Variants in SCAPER observed in about 807,000 individuals in gnomAD.
SCAPER encodes S phase cyclin A-associated protein in the endoplasmic reticulum.
SCAPER carries 98 observed loss-of-function variants against 182.2 expected under a neutral mutation model. The observed-to-expected ratio is 0.54, with a 90% CI of 0.46 to 0.64. The LOEUF (loss-of-function observed/expected upper bound fraction) is 0.64. Among genes scored for constraint, SCAPER ranks in the 30% least tolerant of loss-of-function variants. The pLI is 0.00. For synonymous variants in SCAPER, 605 were observed against 564.6 expected (o/e 1.07, Z -1.01); for missense variants, 1,432 against 1,690.0 (o/e 0.85, Z 2.68).
intron 2 of SCAPER, among the ~76,000 whole-genome samples, chr15:76,876,038 G>C (rs1471942181): frequency 6.6e-6 from 1 of 152,202 alleles, no homozygotes; most frequent in Non-Finnish European, 1.5e-5. Context: ...GCACTGCTGG[G>C]GGACCCAGCG....
Position 76,348,069 on chromosome 15 carries a change from G to C in SCAPER, c.*564C>G, listed in dbSNP as rs1036544464. ...AGAGGATTATCTGCTAGGAGAGTTCGGGCAGACCAATGAATACAACGCCCT... is the reference window on the plus strand; with the variant it reads ...AGAGGATTATCTGCTAGGAGAGTTCCGGCAGACCAATGAATACAACGCCCT... On this transcript the variant is annotated 3_prime_UTR_variant, in exon 32 of 32. Coordinates refer to ENST00000563290, the MANE Select transcript of SCAPER (RefSeq NM_020843.4). The C allele has an allele frequency of 2.6e-5, 4 of 152,176 alleles. No individual in the cohort carries two copies. The highest frequency in any genetic ancestry group is 9.7e-5 in the African/African-American group (4 of 41,424). The allele number at this position is 152,176 out of a possible 1,614,324, so 9.4% of individuals were successfully genotyped here.
At chr15:76,756,243 C>CAA (rs34158299) in intron 14 of SCAPER, among the ~76,000 whole-genome samples, 43,037 of 65,616 alleles carry the variant, frequency 0.66, 15,833 homozygotes, top group Middle Eastern at 0.77. Context: ...GACTCCGTCT[C>CAA]AAAAAAAAAA....
At chr15:76,861,239 T>C (rs2071837315) in intron 3 of SCAPER, among the ~76,000 whole-genome samples, 1 of 152,168 alleles carries the variant, frequency 6.6e-6, no homozygotes, top group Admixed American at 6.5e-5. Flanking sequence ...ATTTACATAG[T>C]TTCAAACTAT....
intron 28 of SCAPER, among the ~76,000 whole-genome samples, chr15:76,377,231 C>T (rs1410032435): frequency 6.6e-6 from 1 of 152,170 alleles, no homozygotes; most frequent in Non-Finnish European, 1.5e-5. Flanking sequence ...GAAACAGAGC[C>T]ATTTTAGCGA....
intron 1 of SCAPER, among the ~76,000 whole-genome samples, chr15:76,886,755 T>C (rs2073861488): frequency 6.6e-6 from 1 of 152,198 alleles, no homozygotes; most frequent in Non-Finnish European, 1.5e-5. Context: ...TCAACCTAAA[T>C]GCCCTCAATG....
intron 2 of SCAPER, among the ~76,000 whole-genome samples, chr15:76,873,714 T>G (rs1482624750): frequency 1.3e-5 from 2 of 152,162 alleles, no homozygotes; most frequent in Admixed American, 1.3e-4. Context: ...ATTTGACATA[T>G]TCAGAACCCA....
chr15:76,785,338 A>C (rs746004684), intron 8 of SCAPER, among the ~76,000 whole-genome samples: 10 of 152,350 alleles, frequency 6.6e-5, no homozygotes, highest in Non-Finnish European at 1.0e-4. Flanking sequence ...ATACCGTCTC[A>C]CACCAGTTAG....
At position 76,827,339 on chromosome 15, in the gene SCAPER, G is replaced by T. The variant is rs574644123; in HGVS notation, c.393+14395C>A. On this transcript the variant is annotated intron_variant, in intron 5 of 31. Transcript: ENST00000563290. ...GTCTCCACTTGGAATCCCATAGCCT[G>T]TGGACTCGGTCCTGAGGACTCAGCT... Among the ~76,000 whole-genome samples, 337 of 152,276 alleles carry T rather than the reference G, an allele frequency of 2.2e-3. 1 individual carries two copies. Among genetic ancestry groups the T allele is most frequent in the African/African-American group, 7.8e-3 (323 of 41,564 alleles).
At chr15:76,599,962 T>A (rs1334277789) in intron 22 of SCAPER, among the ~76,000 whole-genome samples, 11 of 121,950 alleles carry the variant, frequency 9.0e-5, no homozygotes, top group African/African-American at 2.8e-4. Context: ...CTTGAGTTAA[T>A]AACATGCATG....
intron 8 of SCAPER, among the ~76,000 whole-genome samples, chr15:76,782,201 G>A (rs1339088611): frequency 2.0e-5 from 3 of 151,736 alleles, no homozygotes; most frequent in Non-Finnish European, 2.9e-5. Context: ...AATCTACCAA[G>A]CAAATGGAAA....
intron 23 of SCAPER, among the ~76,000 whole-genome samples, chr15:76,558,669 G>A (rs2046368617): frequency 6.6e-6 from 1 of 152,066 alleles, no homozygotes; most frequent in African/African-American, 2.4e-5. Context: ...CCCATTATTG[G>A]GTGTATTCCC....
chr15:76,763,817 G>A (rs1286366743), intron 14 of SCAPER, among the ~76,000 whole-genome samples: 3 of 151,930 alleles, frequency 2.0e-5, no homozygotes, highest in Non-Finnish European at 2.9e-5. Flanking sequence ...TCTTTCTCAC[G>A]GCTTCACTTT....
At chr15:76,512,102 G>A (rs892732778) in intron 23 of SCAPER, among the ~76,000 whole-genome samples, 11 of 151,668 alleles carry the variant, frequency 7.3e-5, no homozygotes, top group East Asian at 5.8e-4. Context: ...TGGTCAGGCC[G>A]GTCTCGAACT....
At chr15:76,349,876 G>A (rs1456786400) in intron 31 of SCAPER, 2 of 151,788 alleles carry the variant, frequency 1.3e-5, no homozygotes, top group Admixed American at 1.3e-4. Context: ...GCAGCTTCTG[G>A]GACTGTGTCT....
chr15:76,499,277 T>C (rs2040882959), intron 24 of SCAPER, among the ~76,000 whole-genome samples: 1 of 152,182 alleles, frequency 6.6e-6, no homozygotes, highest in Non-Finnish European at 1.5e-5. Context: ...GGTAAGTTAT[T>C]CAGTCTTTAA....
At chr15:76,444,952 T>G (rs1339573145) in intron 25 of SCAPER, among the ~76,000 whole-genome samples, 1 of 152,224 alleles carries the variant, frequency 6.6e-6, no homozygotes, top group African/African-American at 2.4e-5. Context: ...AGTTTTCAAT[T>G]ATAGCATTTC....
In SCAPER at chr15:76,780,809, A is replaced by C. The variant is rs139986499; in HGVS notation, c.773-5692T>G. ...GCTGAGGGACTTGACTGTCAGAAGG[A>C]AAACTAACAAACACAAAGGAATAGC... On this transcript the variant is annotated intron_variant, in intron 8 of 31. Transcript: ENST00000563290. Among the ~76,000 whole-genome samples the C allele has an allele frequency of 4.4e-3, 667 of 152,340 alleles. 7 individuals carry two copies. The highest frequency in any genetic ancestry group is 0.015 in the African/African-American group (635 of 41,580).
chr15:76,791,101 T>C (rs945408659), intron 8 of SCAPER, among the ~76,000 whole-genome samples: 8 of 152,228 alleles, frequency 5.3e-5, no homozygotes, highest in Admixed American at 5.2e-4. Context: ...ATTATCTAAC[T>C]ATATTCTTTG....
Position 76,705,926 on chromosome 15 carries a change from ACT to A in SCAPER, c.2222_2223del (p.Glu741ValfsTer10). On this transcript the variant is annotated frameshift_variant, in exon 18 of 32. Coordinates refer to ENST00000563290, the MANE Select transcript of SCAPER (RefSeq NM_020843.4). LOFTEE classifies it high-confidence loss of function. ...ACCTTGAGCTGAATTTTTTTCTGTA[ACT>A]CTTCCATAGCTTCTTGTTGAGCAGC... ...LTAAQQEAME[E>X]LQKKIQLKHD... 6.4e-7 allele frequency: 1 copy of A among 1,560,240 alleles called. No individual in the cohort carries two copies. The highest frequency in any genetic ancestry group is 8.7e-7 in the Non-Finnish European group (1 of 1,154,370).
Sources: gnomAD v4.1 joint callset for allele counts (sites outside exome capture counted in the v4.1 genomes callset) on GRCh38, gnomAD v4.1.1 for gene constraint, MANE v1.5 for transcripts, NCBI Gene and HGNC (gene_info 2026-07-23, HGNC 2026-07-21) for gene names.